Variants in WWC2 observed in about 807,000 individuals in gnomAD.
The protein encoded by WWC2 is protein WWC2.
In WWC2, 101 loss-of-function variants were observed where a neutral mutation model predicts 138.5. The ratio of observed to expected loss-of-function variants is 0.73; its 90% CI spans 0.62 to 0.86. The LOEUF (loss-of-function observed/expected upper bound fraction) is 0.86, where lower values mean the gene tolerates loss of function less well. WWC2 is among the 40% of genes least tolerant of loss of function. WWC2 has a pLI of 0.00. For missense variants in WWC2, 1,420 were observed against 1,419.4 expected, an observed-to-expected ratio of 1.00 and a Z score of -0.01; for synonymous variants, 558 against 538.4, an observed-to-expected ratio of 1.04 and a Z score of -0.50.
intron 4 of WWC2, among the ~76,000 whole-genome samples, chr4:183,210,864 G>A (rs536922610): frequency 2.6e-5 from 4 of 152,242 alleles, no homozygotes; most frequent in Admixed American, 2.6e-4. Context: ...TGGTAGAAAA[G>A]GCAGTGCGAG....
chr4:183,285,353 C>A (rs1738211612), intron 19 of WWC2, among the ~76,000 whole-genome samples: 1 of 152,236 alleles, frequency 6.6e-6, no homozygotes, highest in Non-Finnish European at 1.5e-5. Context: ...GCAGACCTTT[C>A]TTTAAAGAAA....
intron 4 of WWC2, among the ~76,000 whole-genome samples, chr4:183,220,934 G>C (rs1735918360): frequency 6.6e-6 from 1 of 151,562 alleles, no homozygotes; most frequent in East Asian, 1.9e-4. Flanking sequence ...GGCAAGAATA[G>C]AGGAAGAAAA....
chr4:183,099,769 G>C (rs1426123121), intron 1 of WWC2, 147 bp downstream of exon 1: 1 of 841,348 alleles, frequency 1.2e-6, no homozygotes, highest in African/African-American at 1.8e-5. Context: ...CTCCGGCGGG[G>C]CCGAGGAGCC....
At chr4:183,269,317 G>A in intron 15 of WWC2, 154 bp downstream of exon 15, 2 of 787,446 alleles carry the variant, frequency 2.5e-6, no homozygotes, top group Non-Finnish European at 4.3e-6. Context: ...TTTTTCTGAA[G>A]TAGTGGTTTC....
At chr4:183,256,224 A>G (rs998847635) in intron 9 of WWC2, among the ~76,000 whole-genome samples, 30 of 152,322 alleles carry the variant, frequency 2.0e-4, no homozygotes, top group African/African-American at 7.0e-4. Flanking sequence ...TTACATTGCC[A>G]TCAAAGGTTG....
At chr4:183,202,771 G>T (rs1215070124) in intron 2 of WWC2, among the ~76,000 whole-genome samples, 2 of 152,154 alleles carry the variant, frequency 1.3e-5, no homozygotes, top group Admixed American at 1.3e-4. Flanking sequence ...GGTTAACATG[G>T]GTGCAGAGTG....
At chr4:183,180,144 G>C (rs1237853176) in intron 1 of WWC2, among the ~76,000 whole-genome samples, 1 of 152,106 alleles carries the variant, frequency 6.6e-6, no homozygotes, top group Non-Finnish European at 1.5e-5. Context: ...AGGGAGAGAA[G>C]ATGTTCCAGG....
chr4:183,235,368 CAT>C (rs1394048315), intron 4 of WWC2, among the ~76,000 whole-genome samples: 1 of 152,142 alleles, frequency 6.6e-6, no homozygotes, highest in Non-Finnish European at 1.5e-5. Context: ...TAACACTTAA[CAT>C]GAGATCTGCC....
chr4:183,259,166 G>A (rs1033777980), intron 9 of WWC2, among the ~76,000 whole-genome samples: 16 of 152,152 alleles, frequency 1.1e-4, no homozygotes, highest in African/African-American at 3.9e-4. Flanking sequence ...TCAAATCAGG[G>A]TTGGGAATGT....
chr4:183,170,508 G>A (rs1734246803), intron 1 of WWC2, among the ~76,000 whole-genome samples: 1 of 152,144 alleles, frequency 6.6e-6, no homozygotes, highest in East Asian at 1.9e-4. Context: ...GCAGGCTTGG[G>A]AACATGTATT....
chr4:183,229,134 C>T (rs1035986626), intron 4 of WWC2, among the ~76,000 whole-genome samples: 1 of 152,056 alleles, frequency 6.6e-6, no homozygotes, highest in Non-Finnish European at 1.5e-5. Flanking sequence ...AGCTGTTGGC[C>T]ATTACCTGGC....
At chr4:183,173,610 T>C (rs1214194745) in intron 1 of WWC2, among the ~76,000 whole-genome samples, 1 of 151,184 alleles carries the variant, frequency 6.6e-6, no homozygotes, top group African/African-American at 2.4e-5. Context: ...TTTTGACCAG[T>C]GGATTGCAAG....
Position 183,308,785 on chromosome 4 carries a change from TGTA to T in WWC2, c.3385-3552_3385-3550del, listed in dbSNP as rs562144253. On this transcript the variant is annotated intron_variant, in intron 21 of 22. Coordinates refer to ENST00000403733, the MANE Select transcript of WWC2 (RefSeq NM_024949.6). ...TAATGACAGTAGTAATACAGTATAA[TGTA>T]GTAATAATAATGTCATTAATGGAAT... Among the ~76,000 whole-genome samples the T allele has an allele frequency of 4.7e-4, 72 of 152,288 alleles. 1 individual carries two copies. Among genetic ancestry groups the T allele is most frequent in the African/African-American group, 1.5e-3 (62 of 41,556 alleles).
intron 1 of WWC2, among the ~76,000 whole-genome samples, chr4:183,171,629 T>C (rs1427865571): frequency 2.3e-5 from 3 of 132,042 alleles, no homozygotes; most frequent in Non-Finnish European, 4.8e-5. Flanking sequence ...ATCAAAGTTA[T>C]ATCTGTAAAT....
chr4:183,187,640 G>C (rs1168013711), intron 1 of WWC2, among the ~76,000 whole-genome samples: 3 of 151,004 alleles, frequency 2.0e-5, no homozygotes, highest in Non-Finnish European at 4.4e-5. Flanking sequence ...GGAGGCCAAG[G>C]TGGGTAGATC....
chr4:183,271,784 GC>G lies in WWC2; in HGVS notation c.2562+544del, dbSNP rs545714177. On this transcript the variant is annotated intron_variant, in intron 16 of 22. Coordinates refer to ENST00000403733, the MANE Select transcript of WWC2 (RefSeq NM_024949.6). The stretch of plus-strand genomic sequence containing the variant: ...TTTGGGAAGCTGAGGCAGGCGAATT[GC>G]TTTTGCTCAGGAGTTCAAGACCAGC... Among the ~76,000 whole-genome samples, 18 of 152,264 alleles carry G rather than the reference GC, an allele frequency of 1.2e-4. No individual in the cohort carries two copies. The East Asian group carries it at 3.5e-3, about 29-fold the overall frequency.
In WWC2 at chr4:183,202,861, T is replaced by A. The variant is rs62356702; in HGVS notation, c.242-5092T>A. ...AAGGAATGTGACTTTATAATTTCTT[T>A]GCTTTTGCAATCTGAGTATCAGAGA... On this transcript the variant is annotated intron_variant, in intron 2 of 22. Transcript: ENST00000403733. 2.8e-3 allele frequency among the ~76,000 whole-genome samples: 427 copies of A among 152,346 alleles called. 3 individuals are homozygous for A. Among genetic ancestry groups the A allele is most frequent in the Non-Finnish European group, 3.2e-3 (220 of 68,040 alleles).
intron 1 of WWC2, among the ~76,000 whole-genome samples, chr4:183,127,877 A>G (rs1416235047): frequency 6.6e-6 from 1 of 152,146 alleles, no homozygotes; most frequent in Non-Finnish European, 1.5e-5. Flanking sequence ...TACAGATCAT[A>G]AGATGCATCC....
At chr4:183,304,595 G>GC (rs547001107) in intron 21 of WWC2, among the ~76,000 whole-genome samples, 1 of 152,216 alleles carries the variant, frequency 6.6e-6, no homozygotes, top group South Asian at 2.1e-4. Flanking sequence ...CTCAACTCTA[G>GC]CCCCCTCTAG....
Sources: allele counts gnomAD v4.1 joint callset (sites outside exome capture counted in the v4.1 genomes callset), GRCh38; gene constraint gnomAD v4.1.1; transcripts MANE v1.5; gene names NCBI Gene and HGNC (gene_info 2026-07-23, HGNC 2026-07-21).